Variants in HMCN2 observed in about 807,000 individuals in gnomAD.
HMCN2 encodes the protein hemicentin-2.
A neutral mutation model predicts 377.5 loss-of-function variants in HMCN2; 325 were observed. That is an observed-to-expected ratio of 0.86 (90% confidence interval 0.79 to 0.94). The LOEUF is 0.94. Among genes scored for constraint, HMCN2 ranks in the 40% least tolerant of loss-of-function variants. HMCN2 has a pLI of 0.00. For synonymous variants in HMCN2, 2,007 were observed against 2,046.8 expected, an observed-to-expected ratio of 0.98 and a Z score of 0.53; for missense variants, 4,543 against 4,725.3, an observed-to-expected ratio of 0.96 and a Z score of 1.13.
intron 41 of HMCN2, 58 bp from the exon 42 acceptor site, chr9:130,365,573 C>T (rs984069063): frequency 2.7e-5 from 23 of 844,866 alleles, no homozygotes; most frequent in Non-Finnish European, 3.1e-5. Context: ...CACAGTCTGT[C>T]CAGGGCTCAC....
At position 130,382,277 on chromosome 9, in the gene HMCN2, A is replaced by G. The variant is rs1841770061; in HGVS notation, c.8525A>G (p.His2842Arg). Residue 2842 changes from histidine to arginine, a missense_variant, in exon 55 of 98, where the codon CAC (histidine) becomes CGC (arginine). This residue lies in a region of HMCN2 where 736 missense variants were observed against 773.2 expected (regional missense o/e 0.95). Coordinates refer to ENST00000683500, the MANE Select transcript of HMCN2 (RefSeq NM_001291815.2). ...ASNEVGEDWLHYELLVLTPPV... is the reference protein window; with the variant it reads ...ASNEVGEDWLRYELLVLTPPV... Reference sequence around the variant, plus strand: ...AACGAGGTGGGCGAGGACTGGCTGCACTACGAGCTGCTGGTGCTGAGTGAG... The same window carrying G: ...AACGAGGTGGGCGAGGACTGGCTGCGCTACGAGCTGCTGGTGCTGAGTGAG... 1 of 985,816 alleles carries G rather than the reference A, an allele frequency of 1.0e-6. No individual in the cohort carries two copies. Among genetic ancestry groups the G allele is most frequent in the Non-Finnish European group, 1.2e-6 (1 of 829,900 alleles). 61.1% of individuals were successfully genotyped at this position (985,816 alleles called of 1,614,324 possible). A position where few individuals can be genotyped will look rare whatever the true frequency, so the allele number is the denominator to read the frequency against.
chr9:130,424,533 G>A (rs772353298), intron 87 of HMCN2, among the ~76,000 whole-genome samples: 2 of 152,022 alleles, frequency 1.3e-5, no homozygotes, highest in Admixed American at 6.6e-5. Flanking sequence ...TCACTATGTC[G>A]CCTAGCATTT....
intron 1 of HMCN2, among the ~76,000 whole-genome samples, chr9:130,269,834 G>A (rs1834321191): frequency 6.9e-6 from 1 of 145,744 alleles, no homozygotes; most frequent in Admixed American, 6.8e-5. Flanking sequence ...TTTTTGAGAT[G>A]GAGTCTCGCT....
intron 89 of HMCN2, 40 bp downstream of exon 89, chr9:130,425,170 G>T: frequency 6.7e-7 from 1 of 1,499,402 alleles, no homozygotes. Context: ...CAGGGTAGGT[G>T]AGAGAGACGA....
At chr9:130,408,722 G>T (rs1843240225) in intron 83 of HMCN2, 21 bp from the exon 84 acceptor site, 3 of 1,277,532 alleles carry the variant, frequency 2.3e-6, no homozygotes, top group Non-Finnish European at 3.1e-6. Flanking sequence ...CTGACAACTT[G>T]CTCGATGTCA....
At chr9:130,395,181 T>C (rs1842548152) in intron 70 of HMCN2, 30 bp from the exon 71 acceptor site, 5 of 1,285,578 alleles carry the variant, frequency 3.9e-6, no homozygotes, top group Non-Finnish European at 5.1e-6. Context: ...AGTCCCCCTC[T>C]CATATCCTCT....
At chr9:130,343,839 C>T (rs1053983893) in intron 25 of HMCN2, among the ~76,000 whole-genome samples, 12 of 152,234 alleles carry the variant, frequency 7.9e-5, no homozygotes, top group Non-Finnish European at 1.3e-4. Context: ...GCTCGGAGCG[C>T]TCTGAGGGCT....
chr9:130,287,024 CT>C (rs782549835), intron 4 of HMCN2, among the ~76,000 whole-genome samples: 78 of 152,326 alleles, frequency 5.1e-4, no homozygotes, highest in Middle Eastern at 6.8e-3. Flanking sequence ...GAACAACGCT[CT>C]CTCTGGAAAG....
chr9:130,305,880 G>A (rs890085767), intron 11 of HMCN2, among the ~76,000 whole-genome samples: 1 of 152,224 alleles, frequency 6.6e-6, no homozygotes. Context: ...CGTTCTAGGA[G>A]CACAGGGCTC....
At chr9:130,299,424 T>C (rs1169785761) in intron 8 of HMCN2, 136 bp downstream of exon 8, 2 of 357,542 alleles carry the variant, frequency 5.6e-6, no homozygotes, top group East Asian at 1.5e-4. Flanking sequence ...GGACAGCTAT[T>C]CCCTATAAGG....
intron 5 of HMCN2, among the ~76,000 whole-genome samples, chr9:130,295,339 A>G (rs782653508): frequency 6.6e-6 from 1 of 151,898 alleles, no homozygotes; most frequent in Non-Finnish European, 1.5e-5. Flanking sequence ...TATTGTACAG[A>G]TGGGAAGCTG....
At chr9:130,363,693 C>T (rs1840513437) in intron 40 of HMCN2, among the ~76,000 whole-genome samples, 1 of 151,500 alleles carries the variant, frequency 6.6e-6, no homozygotes, top group Admixed American at 6.6e-5. Context: ...TATGGTGGTG[C>T]GTGCCTGTAG....
intron 33 of HMCN2, 27 bp downstream of exon 33, chr9:130,355,881 G>T (rs1416203227): frequency 8.1e-7 from 1 of 1,233,278 alleles, no homozygotes; most frequent in East Asian, 5.7e-5. Context: ...GGAGGCCAGG[G>T]CTGGGGGTAG....
Position 130,398,632 on chromosome 9 carries a change from G to C in HMCN2, c.11408G>C (p.Gly3803Ala). The change falls in exon 75 of 98, where the codon GGC becomes GCC. Residue 3803 changes from glycine (G) to alanine (A), a missense_variant. By Grantham distance (60) the Gly-to-Ala change is moderately conservative (BLOSUM62 0). Transcript: ENST00000683500. Reference protein sequence around the residue: ...TPALLPCEASGSPKPLVVWWK... With the variant: ...TPALLPCEASASPKPLVVWWK... ...GCCTTGCTGCCCTGCGAGGCCAGCG[G>C]CTCCCCTAAGCCCCTGGTGGTCTGG... The C allele has an allele frequency of 7.8e-7, 1 of 1,288,918 alleles. No individual in the cohort carries two copies. The highest frequency in any genetic ancestry group is 1.2e-5 in the South Asian group (1 of 80,972). 79.8% of individuals were successfully genotyped at this position (1,288,918 alleles called of 1,614,324 possible).
intron 51 of HMCN2, 51 bp from the exon 52 acceptor site, chr9:130,376,465 G>T (rs995947357): frequency 1.2e-5 from 11 of 938,816 alleles, no homozygotes; most frequent in Non-Finnish European, 1.4e-5. Context: ...TAAGCTCAGG[G>T]TTTCAGCACC....
chr9:130,373,848 T>TTGGA (rs1387303413), intron 48 of HMCN2, among the ~76,000 whole-genome samples: 1 of 124,468 alleles, frequency 8.0e-6, no homozygotes, highest in African/African-American at 3.1e-5. Flanking sequence ...TGAATGAGGG[T>TTGGA]TGGATGGATG....
intron 48 of HMCN2, among the ~76,000 whole-genome samples, chr9:130,373,731 A>ATGGATGGATGGATGGATGGATG (rs1841205101): frequency 2.4e-4 from 5 of 21,222 alleles, no homozygotes; most frequent in South Asian, 2.5e-3. Context: ...ATGGATGGAT[A>ATGGATGGATGGATGGATGGATG]GGTAGGTGGA....
chr9:130,414,128 C>G lies in HMCN2; in HGVS notation c.12961+3476C>G, dbSNP rs1843567500. On this transcript the variant is annotated intron_variant, in intron 85 of 97. Coordinates refer to ENST00000683500, the MANE Select transcript of HMCN2 (RefSeq NM_001291815.2). The surrounding 1 kb of genome is among the most constrained non-coding windows in gnomAD (Gnocchi z 4.4). ...GAGCCTCTAACTTCCACCCTCGCCC[C>G]TGTACCGAGGCACTGCTCTCCCCAC... Among the ~76,000 whole-genome samples, 1 of 152,232 alleles carries G rather than the reference C, an allele frequency of 6.6e-6. No homozygotes were observed. Among genetic ancestry groups the G allele is most frequent in the Non-Finnish European group, 1.5e-5 (1 of 68,048 alleles).
chr9:130,266,290 C>T (rs917776037), intron 1 of HMCN2, among the ~76,000 whole-genome samples, 153 bp downstream of exon 1: 1 of 152,236 alleles, frequency 6.6e-6, no homozygotes, highest in Admixed American at 6.5e-5. Context: ...CTGCGGGTAC[C>T]CTGGCCACCT....
Sources: allele counts gnomAD v4.1 joint callset (sites outside exome capture counted in the v4.1 genomes callset), GRCh38; gene constraint gnomAD v4.1.1; regional missense constraint gnomAD v4.1.1; non-coding constraint Gnocchi (gnomAD v3.1); transcripts MANE v1.5; gene names NCBI Gene and HGNC (gene_info 2026-07-23, HGNC 2026-07-21).